Variants in CHST9 observed in about 807,000 individuals in gnomAD.
CHST9 encodes carbohydrate sulfotransferase 9, also known as GalNAc-4-sulfotransferase 2.
CHST9 carries 41 observed loss-of-function variants against 44.4 expected under a neutral mutation model. The ratio of observed to expected loss-of-function variants is 0.92; its 90% CI spans 0.72 to 1.20. The LOEUF (loss-of-function observed/expected upper bound fraction) is 1.20, where lower values mean the gene tolerates loss of function less well. CHST9 is among the 50% of genes most tolerant of loss of function. The probability of loss-of-function intolerance (pLI) is 0.00; values close to 1 mark genes in which losing one functional copy is unlikely to be tolerated. For missense variants in CHST9, 504 were observed against 516.5 expected, an observed-to-expected ratio of 0.98 and a Z score of 0.23; for synonymous variants, 171 against 178.4, an observed-to-expected ratio of 0.96 and a Z score of 0.33.
intron 2 of CHST9, among the ~76,000 whole-genome samples, chr18:27,137,487 C>T (rs1389697173): frequency 1.3e-5 from 2 of 151,792 alleles, no homozygotes; most frequent in African/African-American, 4.8e-5. Context: ...CACATCCAGT[C>T]AGCAAAGGGC....
intron 2 of CHST9, among the ~76,000 whole-genome samples, chr18:27,066,421 T>A (rs1261823139): frequency 6.6e-6 from 1 of 152,208 alleles, no homozygotes; most frequent in Admixed American, 6.5e-5. Context: ...TCACAACTCT[T>A]AAGTTATAGT....
At chr18:27,125,857 A>C (rs1354544033) in intron 2 of CHST9, among the ~76,000 whole-genome samples, 3 of 152,328 alleles carry the variant, frequency 2.0e-5, no homozygotes, top group East Asian at 3.9e-4. Flanking sequence ...TGGGTCACAT[A>C]GACAGGCTAC....
intron 2 of CHST9, among the ~76,000 whole-genome samples, chr18:27,053,322 G>GAGAAGGAGAAGGAGA (rs2057610826): frequency 1.0e-5 from 1 of 97,760 alleles, no homozygotes; most frequent in South Asian, 3.5e-4. Context: ...GAAGGAGAAG[G>GAGAAGGAGAAGGAGA]AGAAGATTTC....
intron 2 of CHST9, among the ~76,000 whole-genome samples, chr18:27,060,981 A>T (rs1460302725): frequency 1.3e-5 from 2 of 152,200 alleles, no homozygotes; most frequent in Non-Finnish European, 2.9e-5. Flanking sequence ...TCTTGCCAAT[A>T]AAAAGACACG....
intron 4 of CHST9, among the ~76,000 whole-genome samples, chr18:26,947,976 A>G (rs1598584685): frequency 6.6e-6 from 1 of 152,354 alleles, no homozygotes; most frequent in East Asian, 1.9e-4. Context: ...TGTTCACAAT[A>G]GCAAAGACTT....
intron 4 of CHST9, among the ~76,000 whole-genome samples, chr18:26,961,067 AGAT>A (rs1171572455): frequency 6.6e-6 from 1 of 152,212 alleles, no homozygotes; most frequent in Non-Finnish European, 1.5e-5. Context: ...AGGCTATTGC[AGAT>A]GATGAAGAAT....
chr18:27,095,729 A>G (rs1056336617), intron 2 of CHST9, among the ~76,000 whole-genome samples: 1 of 152,160 alleles, frequency 6.6e-6, no homozygotes, highest in Non-Finnish European at 1.5e-5. Context: ...CAATTCAAGA[A>G]GACTTAATTA....
At chr18:26,957,130 T>C (rs532041508) in intron 4 of CHST9, among the ~76,000 whole-genome samples, 69 of 152,258 alleles carry the variant, frequency 4.5e-4, no homozygotes, top group Non-Finnish European at 9.1e-4. Context: ...AATTGCTGTA[T>C]CAATCAAACC....
Position 26,916,194 on chromosome 18 carries a change from A to G in CHST9, c.*65T>C. The G allele has an allele frequency of 8.0e-7, 1 of 1,247,392 alleles. No individual in the cohort carries two copies. The highest frequency in any genetic ancestry group is 1.1e-6 in the Non-Finnish European group (1 of 895,104). 77.3% of individuals were successfully genotyped at this position (1,247,392 alleles called of 1,614,324 possible). A position where few individuals can be genotyped will look rare whatever the true frequency, so the allele number is the denominator to read the frequency against. On this transcript the variant is annotated 3_prime_UTR_variant, in exon 6 of 6. Coordinates refer to ENST00000618847, the MANE Select transcript of CHST9 (RefSeq NM_031422.6). ...TTCTGTCATACAGAGAATTATAGAA[A>G]AATTACAGCTGATTTGAACTTATCA... is the stretch of plus-strand genomic sequence containing the variant.
chr18:27,096,782 T>C (rs1351061364), intron 2 of CHST9, among the ~76,000 whole-genome samples: 1 of 151,834 alleles, frequency 6.6e-6, no homozygotes, highest in East Asian at 1.9e-4. Context: ...GTTGAATCAG[T>C]AATAAAGATT....
At chr18:27,127,864 T>G (rs2143827172) in intron 2 of CHST9, among the ~76,000 whole-genome samples, 1 of 152,258 alleles carries the variant, frequency 6.6e-6, no homozygotes, top group Non-Finnish European at 1.5e-5. Flanking sequence ...TAAGTGAGTC[T>G]ATGTCTTGGT....
intron 2 of CHST9, among the ~76,000 whole-genome samples, chr18:27,102,219 ATAAT>A (rs1351054630): frequency 6.6e-6 from 1 of 152,240 alleles, no homozygotes; most frequent in Non-Finnish European, 1.5e-5. Context: ...ATAAAACAAT[ATAAT>A]TAGTATGTTA....
chr18:27,124,653 C>T (rs1041134337), intron 2 of CHST9, among the ~76,000 whole-genome samples: 3 of 152,218 alleles, frequency 2.0e-5, no homozygotes, highest in Admixed American at 6.5e-5. Context: ...TATGGAGTTT[C>T]AGGTTGCAGT....
At chr18:27,093,557 A>T (rs913937256) in intron 2 of CHST9, among the ~76,000 whole-genome samples, 13 of 152,360 alleles carry the variant, frequency 8.5e-5, no homozygotes, top group African/African-American at 3.1e-4. Flanking sequence ...TGAGCCAGGC[A>T]TGGGAGAGAA....
At chr18:27,178,051 C>T (rs1376627640) in intron 1 of CHST9, among the ~76,000 whole-genome samples, 1 of 151,884 alleles carries the variant, frequency 6.6e-6, no homozygotes, top group Non-Finnish European at 1.5e-5. Flanking sequence ...AAAAGTAGAC[C>T]GAATAAAGTT....
At chr18:27,133,321 G>T (rs1226453827) in intron 2 of CHST9, among the ~76,000 whole-genome samples, 1 of 152,142 alleles carries the variant, frequency 6.6e-6, no homozygotes, top group South Asian at 2.1e-4. Context: ...GCAAAGCTTG[G>T]CTGCTGCATG....
chr18:27,016,453 G>A (rs2057155572), intron 4 of CHST9, among the ~76,000 whole-genome samples: 1 of 152,202 alleles, frequency 6.6e-6, no homozygotes, highest in African/African-American at 2.4e-5. Flanking sequence ...TGCACAGGCA[G>A]GCCCCTGTTC....
chr18:26,975,755 AT>A (rs2056616024), intron 4 of CHST9, among the ~76,000 whole-genome samples: 7 of 121,830 alleles, frequency 5.7e-5, no homozygotes, highest in Admixed American at 1.8e-4. Flanking sequence ...ATATATATAT[AT>A]ATATATATAA....
chr18:27,152,114 A>C (rs1397738795), intron 1 of CHST9, among the ~76,000 whole-genome samples: 1 of 152,196 alleles, frequency 6.6e-6, no homozygotes, highest in Non-Finnish European at 1.5e-5. Context: ...AGAACACAGA[A>C]ATATATCCTT....
Sources: gnomAD v4.1 joint callset for allele counts (sites outside exome capture counted in the v4.1 genomes callset) on GRCh38, gnomAD v4.1.1 for gene constraint, MANE v1.5 for transcripts, NCBI Gene and HGNC (gene_info 2026-07-23, HGNC 2026-07-21) for gene names.